MAP2: variants seen among roughly 807,000 people sequenced by gnomAD.
MAP2 encodes microtubule associated protein 2, also known as microtubule-associated protein 2.
A neutral mutation model predicts 137.6 loss-of-function variants in MAP2; 14 were observed. The ratio of observed to expected loss-of-function variants is 0.10; its 90% CI spans 0.07 to 0.16. The LOEUF (loss-of-function observed/expected upper bound fraction) is 0.16. MAP2 is among the 10% of genes least tolerant of loss of function. The pLI is 1.00. For missense variants in MAP2, 2,088 were observed against 2,191.5 expected, an observed-to-expected ratio of 0.95 and a Z score of 0.94; for synonymous variants, 786 against 782.3, an observed-to-expected ratio of 1.00 and a Z score of -0.08.
chr2:209,593,846 A>G (rs1342738548), intron 3 of MAP2, among the ~76,000 whole-genome samples: 1 of 99,954 alleles, frequency 1.0e-5, no homozygotes, highest in Admixed American at 1.4e-4. Flanking sequence ...ATATTATAAT[A>G]TATATTATAA....
chr2:209,671,208 C>G (rs1436812006), intron 5 of MAP2, among the ~76,000 whole-genome samples: 2 of 151,906 alleles, frequency 1.3e-5, no homozygotes, highest in Non-Finnish European at 2.9e-5. Context: ...TAACAGAGGT[C>G]TGTCTAGGGT....
At chr2:209,704,174 C>CCATCTTTATG (rs2062645698) in intron 11 of MAP2, 1 of 396,796 alleles carries the variant, frequency 2.5e-6, no homozygotes, top group Admixed American at 3.4e-5. Context: ...TCCGTGTGTA[C>CCATCTTTATG]CCATTGTTTA....
At chr2:209,627,708 G>A (rs2092533299) in intron 4 of MAP2, among the ~76,000 whole-genome samples, 1 of 152,100 alleles carries the variant, frequency 6.6e-6, no homozygotes, top group Non-Finnish European at 1.5e-5. Context: ...TGTGAGTTGA[G>A]GTCCAGTGTT....
intron 1 of MAP2, among the ~76,000 whole-genome samples, chr2:209,505,996 G>T (rs374101088): frequency 6.6e-6 from 1 of 151,806 alleles, no homozygotes; most frequent in Non-Finnish European, 1.5e-5. Flanking sequence ...AAAAGAAAAA[G>T]AAAACATTTC....
At chr2:209,588,567 T>C (rs1363967197) in intron 3 of MAP2, among the ~76,000 whole-genome samples, 1 of 152,192 alleles carries the variant, frequency 6.6e-6, no homozygotes, top group African/African-American at 2.4e-5. Flanking sequence ...GGGAAGATCT[T>C]ACATTTTATT....
At chr2:209,613,694 A>G (rs979706291) in intron 3 of MAP2, among the ~76,000 whole-genome samples, 15 of 152,332 alleles carry the variant, frequency 9.8e-5, no homozygotes, top group African/African-American at 3.1e-4. Flanking sequence ...CAGAGCCACA[A>G]TTTTAAAAGA....
intron 2 of MAP2, among the ~76,000 whole-genome samples, chr2:209,527,793 TA>T (rs2064304906): frequency 6.6e-6 from 1 of 152,164 alleles, no homozygotes; most frequent in African/African-American, 2.4e-5. Flanking sequence ...ACCCCAGACC[TA>T]GTGAATCAGA....
intron 2 of MAP2, among the ~76,000 whole-genome samples, chr2:209,542,546 T>A (rs932129381): frequency 4.6e-5 from 7 of 152,254 alleles, no homozygotes; most frequent in African/African-American, 1.7e-4. Flanking sequence ...CTTCTTCCAA[T>A]AAAAAGGTTG....
Position 209,481,172 on chromosome 2 carries a change from A to G in MAP2, c.-221-26420A>G, listed in dbSNP as rs1169280753. Among the ~76,000 whole-genome samples, 6 of 152,202 alleles carry G rather than the reference A, an allele frequency of 3.9e-5. 1 individual carries two copies. The highest frequency in any genetic ancestry group is 8.8e-5 in the Non-Finnish European group (6 of 68,032). Reference sequence around the variant, plus strand: ...GCTTACTGAATGTTTCCTGGGATAAATGTCCATGGAAGGGAAGGAGAAGGA... The same window carrying G: ...GCTTACTGAATGTTTCCTGGGATAAGTGTCCATGGAAGGGAAGGAGAAGGA... On this transcript the variant is annotated intron_variant, in intron 1 of 15. Coordinates refer to ENST00000682079, the MANE Select transcript of MAP2 (RefSeq NM_001375505.1).
At chr2:209,525,538 C>T (rs1361320537) in intron 2 of MAP2, among the ~76,000 whole-genome samples, 3 of 152,044 alleles carry the variant, frequency 2.0e-5, no homozygotes, top group Non-Finnish European at 4.4e-5. Context: ...CAAAGCAAGC[C>T]CATTCCTGCA....
chr2:209,679,721 T>G (rs1246004886), intron 6 of MAP2, among the ~76,000 whole-genome samples: 1 of 152,126 alleles, frequency 6.6e-6, no homozygotes, highest in Non-Finnish European at 1.5e-5. Flanking sequence ...TATTAAGGAC[T>G]ATTTTTCTCT....
At chr2:209,437,146 T>C (rs1696511609) in intron 1 of MAP2, among the ~76,000 whole-genome samples, 1 of 151,690 alleles carries the variant, frequency 6.6e-6, no homozygotes, top group South Asian at 2.1e-4. Context: ...GAATATGCTG[T>C]TGGAGGACAT....
chr2:209,449,026 C>G (rs1057149942), intron 1 of MAP2, among the ~76,000 whole-genome samples: 1 of 152,118 alleles, frequency 6.6e-6, no homozygotes, highest in Non-Finnish European at 1.5e-5. Context: ...TTGTTAGAGT[C>G]CCATAACTAA....
At chr2:209,582,386 A>G (rs2076627937) in intron 3 of MAP2, among the ~76,000 whole-genome samples, 1 of 152,160 alleles carries the variant, frequency 6.6e-6, no homozygotes, top group African/African-American at 2.4e-5. Flanking sequence ...TAAAACGGAA[A>G]GAATTCTTGA....
chr2:209,637,461 A>G (rs1037146569), intron 4 of MAP2, among the ~76,000 whole-genome samples: 2 of 152,022 alleles, frequency 1.3e-5, no homozygotes, highest in African/African-American at 4.8e-5. Flanking sequence ...AAGACAAGAT[A>G]AGGTGAGAGG....
Position 209,502,874 on chromosome 2 carries a change from G to T in MAP2, c.-221-4718G>T, listed in dbSNP as rs1458626057. On this transcript the variant is annotated intron_variant, in intron 1 of 15. Transcript: ENST00000682079. ...CCTTTTCATAAACTTGTTAGCCATTGTCATGTCTTCTTTGGAAAAATGTCT... is the reference window on the plus strand; with the variant it reads ...CCTTTTCATAAACTTGTTAGCCATTTTCATGTCTTCTTTGGAAAAATGTCT... 2.6e-5 allele frequency among the ~76,000 whole-genome samples: 4 copies of T among 151,842 alleles called. No individual in the cohort carries two copies. The East Asian group carries it at 7.7e-4, about 29-fold the overall frequency.
At chr2:209,447,127 C>T (rs945876383) in intron 1 of MAP2, among the ~76,000 whole-genome samples, 5 of 152,000 alleles carry the variant, frequency 3.3e-5, no homozygotes, top group African/African-American at 1.2e-4. Flanking sequence ...TTCTTCCAGA[C>T]AGAAGTTCTA....
At chr2:209,570,746 T>C (rs1201557715) in intron 2 of MAP2, among the ~76,000 whole-genome samples, 1 of 151,850 alleles carries the variant, frequency 6.6e-6, no homozygotes, top group Non-Finnish European at 1.5e-5. Flanking sequence ...CAATTTTAAA[T>C]GAACCTAAAA....
chr2:209,694,552 T>C lies in MAP2; in HGVS notation c.2382T>C (p.Asp794=). The C allele has an allele frequency of 6.2e-7, 1 of 1,614,062 alleles. No homozygotes were observed. ...GTGAGTCTCCTTTCCTAGCCAAAGATTTTTACAAAAATGGTACTGTCATGG... is the reference window on the plus strand; with the variant it reads ...GTGAGTCTCCTTTCCTAGCCAAAGACTTTTACAAAAATGGTACTGTCATGG... The part of the protein sequence containing the change: ...ISCESPFLAK[D]FYKNGTVMAP... Residue 794 remains aspartate, a synonymous_variant, in exon 8 of 16, where the codon GAT becomes GAC. Coordinates refer to ENST00000682079, the MANE Select transcript of MAP2 (RefSeq NM_001375505.1).
Sources: allele counts gnomAD v4.1 joint callset (sites outside exome capture counted in the v4.1 genomes callset), GRCh38; gene constraint gnomAD v4.1.1; transcripts MANE v1.5; gene names NCBI Gene and HGNC (gene_info 2026-07-23, HGNC 2026-07-21).